The following HDAC9 variants were observed in gnomAD, a reference collection of about 807,000 sequenced individuals.
HDAC9 encodes MEF-2 interacting transcription repressor (MITR) protein.
A neutral mutation model predicts 139.4 loss-of-function variants in HDAC9; 41 were observed. The ratio of observed to expected loss-of-function variants is 0.29; its 90% CI spans 0.23 to 0.38. The LOEUF is 0.38. Ranked by LOEUF, HDAC9 falls within the 10% of genes least tolerant of loss-of-function variation. HDAC9 has a pLI of 1.00. For synonymous variants in HDAC9, 517 were observed against 476.2 expected (o/e 1.09, Z -1.12); for missense variants, 1,147 against 1,297.0 (o/e 0.88, Z 1.78).
intron 21 of HDAC9, among the ~76,000 whole-genome samples, chr7:18,864,105 C>G (rs530100672): frequency 6.6e-6 from 1 of 152,184 alleles, no homozygotes; most frequent in South Asian, 2.1e-4. Flanking sequence ...TACAAGTGTT[C>G]CAATTTCTTC....
At chr7:18,518,896 T>C (rs986461687) in intron 2 of HDAC9, among the ~76,000 whole-genome samples, 8 of 152,234 alleles carry the variant, frequency 5.3e-5, no homozygotes, top group Non-Finnish European at 8.8e-5. Context: ...TTCTAGATTC[T>C]CTTATTCCAA....
chr7:18,696,375 G>A (rs187482835), intron 12 of HDAC9, among the ~76,000 whole-genome samples: 2 of 147,700 alleles, frequency 1.4e-5, no homozygotes, highest in East Asian at 2.0e-4. Context: ...TAATTATATA[G>A]TATAATAACA....
chr7:18,117,505 T>TAA (rs200008737), intron 1 of HDAC9, among the ~76,000 whole-genome samples: 2,257 of 132,972 alleles, frequency 0.017, 69 homozygotes, highest in African/African-American at 0.059. Flanking sequence ...AATAAAAAAT[T>TAA]AAAAAAAAAA....
chr7:18,636,356 C>T (rs977623411), intron 8 of HDAC9, among the ~76,000 whole-genome samples: 29 of 152,056 alleles, frequency 1.9e-4, no homozygotes, highest in African/African-American at 5.1e-4. Context: ...TCTCAGATGT[C>T]GTAACCACAA....
At chr7:18,733,025 A>ACACATGTGTATGTGTGTGTATG (rs1562894180) in intron 13 of HDAC9, among the ~76,000 whole-genome samples, 2 of 142,142 alleles carry the variant, frequency 1.4e-5, no homozygotes, top group Admixed American at 6.8e-5. Context: ...GTGTGTATAT[A>ACACATGTGTATGTGTGTGTATG]TGTATATATA....
intron 24 of HDAC9, among the ~76,000 whole-genome samples, chr7:18,965,865 G>A (rs756484901): frequency 7.9e-5 from 12 of 152,202 alleles, no homozygotes; most frequent in Non-Finnish European, 1.8e-4. Context: ...AAATGAGGTT[G>A]TGTGCACTCA....
chr7:18,201,799 A>G (rs1238169895), intron 2 of HDAC9, among the ~76,000 whole-genome samples: 1 of 152,174 alleles, frequency 6.6e-6, no homozygotes. Flanking sequence ...TTGTAAGATG[A>G]GTTATTTTCC....
intron 1 of HDAC9, among the ~76,000 whole-genome samples, chr7:18,343,548 G>A (rs1782174297): frequency 6.6e-6 from 1 of 151,652 alleles, no homozygotes; most frequent in African/African-American, 2.4e-5. Context: ...AAGGGAAGAA[G>A]GAGCGATTTT....
chr7:18,781,526 TTAAA>T (rs773141948), intron 16 of HDAC9, among the ~76,000 whole-genome samples: 7 of 152,064 alleles, frequency 4.6e-5, no homozygotes, highest in Non-Finnish European at 7.4e-5. Flanking sequence ...ATGCTGTTCT[TTAAA>T]TACTGACCAA....
At chr7:18,750,656 T>C (rs1460161117) in intron 14 of HDAC9, among the ~76,000 whole-genome samples, 4 of 152,204 alleles carry the variant, frequency 2.6e-5, no homozygotes, top group Admixed American at 1.3e-4. Context: ...TAGAGTTATC[T>C]TTAAGGATTT....
At chr7:18,623,176 A>G (rs1840705378) in intron 6 of HDAC9, among the ~76,000 whole-genome samples, 1 of 152,122 alleles carries the variant, frequency 6.6e-6, no homozygotes, top group Non-Finnish European at 1.5e-5. Flanking sequence ...AGCAGAGGCA[A>G]AATACACATA....
chr7:18,147,499 A>G (rs1215585058), intron 1 of HDAC9, among the ~76,000 whole-genome samples: 1 of 152,182 alleles, frequency 6.6e-6, no homozygotes. Flanking sequence ...GACACATGGA[A>G]AATACATCAT....
intron 13 of HDAC9, among the ~76,000 whole-genome samples, chr7:18,737,669 T>A (rs1316531985): frequency 2.0e-5 from 3 of 152,196 alleles, no homozygotes; most frequent in African/African-American, 7.2e-5. Context: ...GAGGAGTGCT[T>A]TATTCCCTAT....
upstream of HDAC9, among the ~76,000 whole-genome samples, chr7:18,492,616 C>T (rs112444473): frequency 0.018 from 2,799 of 151,904 alleles, 87 homozygotes; most frequent in African/African-American, 0.064. Flanking sequence ...GAATTTGTTA[C>T]ATTGAAACTT....
At chr7:18,913,527 T>G (rs1305620027) in intron 22 of HDAC9, among the ~76,000 whole-genome samples, 5 of 152,094 alleles carry the variant, frequency 3.3e-5, no homozygotes, top group Non-Finnish European at 1.5e-5. Flanking sequence ...ATATGCGTAA[T>G]TTTCTTTCTG....
intron 17 of HDAC9, among the ~76,000 whole-genome samples, chr7:18,828,735 A>G (rs1382841001): frequency 6.6e-6 from 1 of 152,176 alleles, no homozygotes; most frequent in African/African-American, 2.4e-5. Context: ...AGATCCAGTT[A>G]AAGAATTTTC....
intron 17 of HDAC9, chr7:18,808,049 T>G (rs939178709): frequency 2.0e-5 from 3 of 152,324 alleles, no homozygotes; most frequent in Middle Eastern, 3.4e-3. Context: ...CTTCTTGAGA[T>G]CATGTTTGGA....
chr7:18,115,912 C>G (rs1367798640), intron 1 of HDAC9, among the ~76,000 whole-genome samples: 3 of 152,220 alleles, frequency 2.0e-5, no homozygotes, highest in Non-Finnish European at 2.9e-5. Context: ...GCTTCAAACT[C>G]AGGTATCTGA....
At chr7:18,555,168 A>G (rs1818412295) in intron 2 of HDAC9, among the ~76,000 whole-genome samples, 1 of 152,240 alleles carries the variant, frequency 6.6e-6, no homozygotes, top group East Asian at 1.9e-4. Context: ...ACTGTTGGAA[A>G]TATAATTTGG....
Sources: gnomAD v4.1 joint callset for allele counts (sites outside exome capture counted in the v4.1 genomes callset) on GRCh38, gnomAD v4.1.1 for gene constraint, MANE v1.5 for transcripts, NCBI Gene and HGNC (gene_info 2026-07-23, HGNC 2026-07-21) for gene names.